LRRN1: variants seen among roughly 807,000 people sequenced by gnomAD.
LRRN1 encodes leucine rich repeat neuronal 1.
LRRN1 carries 14 observed loss-of-function variants against 45.8 expected under a neutral mutation model. The observed-to-expected ratio is 0.31, with a 90% CI of 0.20 to 0.48. The LOEUF is 0.48. Among genes scored for constraint, LRRN1 ranks in the 20% least tolerant of loss-of-function variants. LRRN1 has a pLI of 0.99. For synonymous variants in LRRN1, 359 were observed against 330.1 expected (o/e 1.09, Z -0.95); for missense variants, 789 against 874.2 (o/e 0.90, Z 1.23).
At chr3:3,841,531 T>A (rs1444401554) in intron 1 of LRRN1, among the ~76,000 whole-genome samples, 1 of 152,032 alleles carries the variant, frequency 6.6e-6, no homozygotes, top group Non-Finnish European at 1.5e-5. Context: ...TTTCTTTTGT[T>A]TTTTTAAGAC....
intron 1 of LRRN1, among the ~76,000 whole-genome samples, chr3:3,839,820 T>C (rs1345895181): frequency 1.3e-5 from 2 of 152,158 alleles, no homozygotes; most frequent in African/African-American, 2.4e-5. Flanking sequence ...CTCATTTGTG[T>C]GTTGATTTTG....
intron 1 of LRRN1, among the ~76,000 whole-genome samples, chr3:3,837,698 AT>A (rs886389144): frequency 2.7e-5 from 4 of 146,472 alleles, no homozygotes; most frequent in African/African-American, 7.5e-5. Flanking sequence ...ACCGCACCAC[AT>A]TTTTTTTTCT....
rs879414517 is a variant in LRRN1, at chr3:3,848,241, C to G, written c.*1449C>G. Among the ~76,000 whole-genome samples the G allele has an allele frequency of 3.3e-5, 5 of 152,168 alleles. No individual in the cohort carries two copies. The highest frequency in any genetic ancestry group is 5.9e-5 in the Non-Finnish European group (4 of 68,028). ...CAAAACAACTTCCGTACAGTTCAAA[C>G]TTTTCATCCAAATATATATAGACAG... On this transcript the variant is annotated 3_prime_UTR_variant, in exon 2 of 2. Coordinates refer to ENST00000319331, the MANE Select transcript of LRRN1 (RefSeq NM_020873.7).
Position 3,848,561 on chromosome 3 carries a change from A to C in LRRN1, c.*1769A>C, listed in dbSNP as rs185329075. Among the ~76,000 whole-genome samples the C allele has an allele frequency of 3.9e-5, 6 of 152,288 alleles. No individual in the cohort carries two copies. Among genetic ancestry groups the C allele is most frequent in the Non-Finnish European group, 8.8e-5 (6 of 68,016 alleles). ...TGGCAGTATCTTGCTTTTGTGAATC[A>C]CTTTATTAAAAAAAATCACTTTCTT... On this transcript the variant is annotated 3_prime_UTR_variant, in exon 2 of 2. Transcript: ENST00000319331.
intron 1 of LRRN1, among the ~76,000 whole-genome samples, chr3:3,827,912 TATA>T (rs1474814007): frequency 6.6e-6 from 1 of 152,018 alleles, no homozygotes; most frequent in Non-Finnish European, 1.5e-5. Context: ...TGGTTGAAAA[TATA>T]ATAGAAATGA....
chr3:3,808,367 A>G (rs1692809398), intron 1 of LRRN1, among the ~76,000 whole-genome samples: 1 of 152,216 alleles, frequency 6.6e-6, no homozygotes, highest in African/African-American at 2.4e-5. Context: ...CACCCACTTT[A>G]TAGCTCAGGA....
chr3:3,822,557 C>G (rs1017206250), intron 1 of LRRN1, among the ~76,000 whole-genome samples: 1 of 152,036 alleles, frequency 6.6e-6, no homozygotes, highest in Non-Finnish European at 1.5e-5. Flanking sequence ...TCTTTCCAGA[C>G]AATTAAGAAT....
intron 1 of LRRN1, among the ~76,000 whole-genome samples, chr3:3,831,206 A>G (rs1693365770): frequency 6.6e-6 from 1 of 152,210 alleles, no homozygotes; most frequent in African/African-American, 2.4e-5. Flanking sequence ...TGTTGCCTCC[A>G]AGATCCAAAT....
At chr3:3,806,931 G>A (rs963639686) in intron 1 of LRRN1, among the ~76,000 whole-genome samples, 1 of 152,084 alleles carries the variant, frequency 6.6e-6, no homozygotes, top group African/African-American at 2.4e-5. Flanking sequence ...CCCATCTAGG[G>A]GGAGACTGGA....
chr3:3,837,541 T>C (rs902907396), intron 1 of LRRN1, among the ~76,000 whole-genome samples: 1 of 152,014 alleles, frequency 6.6e-6, no homozygotes, highest in African/African-American at 2.4e-5. Flanking sequence ...ACTCTCTAAA[T>C]AGGAGATACA....
chr3:3,824,789 A>T (rs923005939), intron 1 of LRRN1, among the ~76,000 whole-genome samples: 1 of 152,198 alleles, frequency 6.6e-6, no homozygotes, highest in Non-Finnish European at 1.5e-5. Context: ...TAGACAAAGC[A>T]AAGCAATGTG....
chr3:3,826,426 G>A (rs1007454013), intron 1 of LRRN1, among the ~76,000 whole-genome samples: 1 of 152,136 alleles, frequency 6.6e-6, no homozygotes, highest in Non-Finnish European at 1.5e-5. Context: ...TTATGCTGAA[G>A]CCAAAATTAA....
At chr3:3,811,063 G>GCTA (rs1559284072) in intron 1 of LRRN1, among the ~76,000 whole-genome samples, 1 of 151,916 alleles carries the variant, frequency 6.6e-6, no homozygotes, top group Non-Finnish European at 1.5e-5. Flanking sequence ...CCACACAGCT[G>GCTA]GTCACCTGGC....
rs139250047 is a variant in LRRN1, at chr3:3,844,660, G to T, written c.19G>T (p.Val7Phe). 15 of 1,612,606 alleles carry T rather than the reference G, an allele frequency of 9.3e-6. No individual in the cohort carries two copies. Among genetic ancestry groups the T allele is most frequent in the African/African-American group, 2.7e-5 (2 of 74,918 alleles). Reference sequence around the variant, plus strand: ...AGCCAGCATGGCTAGGATGAGCTTTGTTATAGCAGCTTGCCAATTGGTGCT... The same window carrying T: ...AGCCAGCATGGCTAGGATGAGCTTTTTTATAGCAGCTTGCCAATTGGTGCT... The part of the protein sequence containing the change: MARMSF[V>F]IAACQLVLGL... Residue 7 changes from valine (V) to phenylalanine (F), a missense_variant, in exon 2 of 2, where the codon GTT (valine) becomes TTT (phenylalanine). Physicochemically the swap from Val to Phe is conservative, Grantham distance 50. Coordinates refer to ENST00000319331, the MANE Select transcript of LRRN1 (RefSeq NM_020873.7).
chr3:3,804,414 A>G (rs1692714834), intron 1 of LRRN1, among the ~76,000 whole-genome samples: 1 of 152,224 alleles, frequency 6.6e-6, no homozygotes, highest in Admixed American at 6.5e-5. Flanking sequence ...ACTGAGGATC[A>G]TTCCTGAGAT....
intron 1 of LRRN1, among the ~76,000 whole-genome samples, chr3:3,810,924 A>G (rs1692858670): frequency 6.6e-6 from 1 of 152,302 alleles, no homozygotes; most frequent in South Asian, 2.1e-4. Flanking sequence ...TGAAATGGAA[A>G]TAGTAATTAT....
intron 1 of LRRN1, among the ~76,000 whole-genome samples, chr3:3,803,091 A>G (rs1163061831): frequency 6.6e-6 from 1 of 152,236 alleles, no homozygotes. Context: ...GCTCTGGTTA[A>G]TGTCTGAAAT....
intron 1 of LRRN1, among the ~76,000 whole-genome samples, chr3:3,808,335 TG>T (rs1692808446): frequency 1.3e-5 from 2 of 152,318 alleles, no homozygotes; most frequent in African/African-American, 4.8e-5. Context: ...CTTTAATCCT[TG>T]CAACAACTCT....
At chr3:3,843,021 T>A (rs1693680241) in intron 1 of LRRN1, among the ~76,000 whole-genome samples, 1 of 152,226 alleles carries the variant, frequency 6.6e-6, no homozygotes, top group African/African-American at 2.4e-5. Flanking sequence ...AACCACTATT[T>A]AGCTAAAACT....
Sources: gnomAD v4.1 joint callset for allele counts (sites outside exome capture counted in the v4.1 genomes callset) on GRCh38, gnomAD v4.1.1 for gene constraint, MANE v1.5 for transcripts, NCBI Gene and HGNC (gene_info 2026-07-23, HGNC 2026-07-21) for gene names.